PPIL2: variants seen among roughly 807,000 people sequenced by gnomAD.
PPIL2 encodes the protein peptidylprolyl isomerase like 2, also known as RING-type E3 ubiquitin-protein ligase PPIL2.
In PPIL2, 50 loss-of-function variants were observed where a neutral mutation model predicts 75.2. The observed-to-expected ratio is 0.66, with a 90% CI of 0.53 to 0.84. The LOEUF is 0.84. Ranked by LOEUF, PPIL2 falls within the 40% of genes least tolerant of loss-of-function variation. The pLI is 0.00. For missense variants in PPIL2, 590 were observed against 685.0 expected, an observed-to-expected ratio of 0.86 and a Z score of 1.55; for synonymous variants, 245 against 258.8, an observed-to-expected ratio of 0.95 and a Z score of 0.51.
rs1264575929 is a variant in PPIL2, at chr22:21,695,777, C to T, written c.*287C>T. The T allele has an allele frequency of 1.4e-5, 17 of 1,251,814 alleles. No homozygotes were observed. Among genetic ancestry groups the T allele is most frequent in the Non-Finnish European group, 1.7e-5 (17 of 985,462 alleles). 77.5% of individuals were successfully genotyped at this position (1,251,814 alleles called of 1,614,324 possible). A position where few individuals can be genotyped will look rare whatever the true frequency, so the allele number is the denominator to read the frequency against. ...ACCCAGGCTGGTGCCTCAGGCCTCC[C>T]CTCTAGTAGGCAGGCCAGGTTAGTG... On this transcript the variant is annotated 3_prime_UTR_variant, in exon 20 of 20. Transcript: ENST00000398831.
At chr22:21,669,534 T>C (rs1264694845) in intron 1 of PPIL2, 1 of 351,122 alleles carries the variant, frequency 2.8e-6, no homozygotes, top group Non-Finnish European at 5.6e-6. Flanking sequence ...AGAGTCTCAC[T>C]CTGTCACCCA....
rs2067963723 is a variant in PPIL2 at position 21,696,980 on chromosome 22, A to G, written c.*1490A>G. ...TCATGCTAAGAACAAGAACTGCGCC[A>G]TGGCTGGCTCCTTCTCTTCTCCAGC... On this transcript the variant is annotated 3_prime_UTR_variant, in exon 20 of 20. Transcript: ENST00000398831. 5.1e-6 allele frequency: 8 copies of G among 1,556,314 alleles called. No individual in the cohort carries two copies. Among genetic ancestry groups the G allele is most frequent in the Non-Finnish European group, 6.1e-6 (7 of 1,150,586 alleles).
intron 6 of PPIL2, among the ~76,000 whole-genome samples, chr22:21,676,243 A>AGTGTGT (rs36131221): frequency 0.065 from 8,436 of 130,438 alleles, 494 homozygotes; most frequent in African/African-American, 0.15. Context: ...TGTGATCAGC[A>AGTGTGT]GTGTGTGTGT....
At chr22:21,686,361 G>C in intron 10 of PPIL2, 122 bp from the exon 11 acceptor site, 1 of 904,394 alleles carries the variant, frequency 1.1e-6, no homozygotes, top group Non-Finnish European at 1.7e-6. Context: ...TCCTGGAGGA[G>C]AGGCACCAAG....
Position 21,671,020 on chromosome 22 carries a change from A to G in PPIL2, c.152A>G (p.Tyr51Cys). The change falls in exon 4 of 20, where the codon TAC becomes TGC. Residue 51 changes from tyrosine to cysteine, a missense_variant. Physicochemically the swap from Tyr to Cys is radical, Grantham distance 194. Transcript: ENST00000398831. Reference protein sequence around the residue: ...HCSLSLQPFVYPVCTPDGIVF... With the variant: ...HCSLSLQPFVCPVCTPDGIVF... ...AGTCTCTCTCTGCAGCCCTTTGTCT[A>G]CCCAGTCTGCACTCCCGATGGCATC... 6.2e-7 allele frequency: 1 copy of G among 1,613,242 alleles called. No homozygotes were observed. The highest frequency in any genetic ancestry group is 1.3e-5 in the African/African-American group (1 of 74,998).
chr22:21,667,602 T>C (rs1438522213), intron 1 of PPIL2, among the ~76,000 whole-genome samples: 1 of 152,126 alleles, frequency 6.6e-6, no homozygotes, highest in African/African-American at 2.4e-5. Context: ...CCCAGTCTCC[T>C]TTCTGGACCC....
At chr22:21,668,018 C>A (rs1015540559) in intron 1 of PPIL2, among the ~76,000 whole-genome samples, 2 of 151,986 alleles carry the variant, frequency 1.3e-5, no homozygotes, top group African/African-American at 4.8e-5. Flanking sequence ...GTCGAGTGAT[C>A]GACCTACCTC....
At chr22:21,669,128 C>T (rs968482069) in intron 1 of PPIL2, among the ~76,000 whole-genome samples, 1 of 150,672 alleles carries the variant, frequency 6.6e-6, no homozygotes, top group Non-Finnish European at 1.5e-5. Flanking sequence ...GGATTATAGG[C>T]GTGAGCCACC....
In PPIL2 at chr22:21,670,575, A is replaced by T; in HGVS notation, c.92A>T (p.Gln31Leu). Reference sequence around the variant, plus strand: ...TTTCATTTTTAAACAGATCTCCCACAAACAAATTTTCGTCGTTTACCTTTT... The same window carrying T: ...TTTCATTTTTAAACAGATCTCCCACTAACAAATTTTCGTCGTTTACCTTTT... Reference protein sequence around the residue: ...FYGGKKPDLPQTNFRRLPFDH... With the variant: ...FYGGKKPDLPLTNFRRLPFDH... Residue 31 changes from glutamine (Q) to leucine (L), a missense_variant, in exon 3 of 20, where the codon CAA becomes CTA. By Grantham distance (113) the Gln-to-Leu change is moderately radical. Transcript: ENST00000398831. The T allele has an allele frequency of 6.2e-7, 1 of 1,611,018 alleles. No individual in the cohort carries two copies.
At chr22:21,681,278 C>G (rs774462408) in intron 6 of PPIL2, 21 bp from the exon 7 acceptor site, 1 of 1,589,348 alleles carries the variant, frequency 6.3e-7, no homozygotes, top group Non-Finnish European at 8.6e-7. Context: ...ACTGGCCTCC[C>G]TGTGTGTGCC....
rs1335377463 is a variant in PPIL2, at chr22:21,688,070, C to G, written c.988-3C>G. The stretch of plus-strand genomic sequence containing the variant: ...ACTTGCTCACTGGCTTTTGTTTTCA[C>G]AGATCCAAGGGGGCGACCCCACAGG... On this transcript the variant is annotated splice_region_variant and splice_polypyrimidine_tract_variant and intron_variant, in intron 13 of 19. Coordinates refer to ENST00000398831, the MANE Select transcript of PPIL2 (RefSeq NM_014337.4). The G allele has an allele frequency of 6.2e-7, 1 of 1,614,228 alleles. No homozygotes were observed. Among genetic ancestry groups the G allele is most frequent in the Non-Finnish European group, 8.5e-7 (1 of 1,180,036 alleles).
chr22:21,688,979 G>A, intron 15 of PPIL2, 130 bp downstream of exon 15: 1 of 874,448 alleles, frequency 1.1e-6, no homozygotes. Context: ...GCACACCTAG[G>A]CCAAGCATGT....
At chr22:21,693,735 G>A (rs1017498657) in intron 15 of PPIL2, 81 bp from the exon 16 acceptor site, 1 of 1,365,650 alleles carries the variant, frequency 7.3e-7, no homozygotes, top group Non-Finnish European at 1.0e-6. Flanking sequence ...TGTAGAGGGT[G>A]GGCAGCTCCT....
At chr22:21,699,578 C>T (rs1225439715), downstream of PPIL2, 2 of 152,608 alleles carry the variant, frequency 1.3e-5, no homozygotes, top group East Asian at 1.9e-4. Context: ...GACAGCACCA[C>T]GCAGGGACGG....
At chr22:21,677,136 G>T (rs1272578050) in intron 6 of PPIL2, among the ~76,000 whole-genome samples, 1 of 151,808 alleles carries the variant, frequency 6.6e-6, no homozygotes, top group Non-Finnish European at 1.5e-5. Flanking sequence ...TCTCAGACGG[G>T]GCGGCTGCCG....
Position 21,696,121 on chromosome 22 carries a change from C to CTCT in PPIL2, c.*632_*634dup. On this transcript the variant is annotated 3_prime_UTR_variant, in exon 20 of 20. Transcript: ENST00000398831. ...GACCCCAGACTTACTGAGCCTAAGC[C>CTCT]TCTGCAGGGTGGGCTTCTCGGTCTG... 3.0e-6 allele frequency: 3 copies of CTCT among 993,718 alleles called. No homozygotes were observed. Among genetic ancestry groups the CTCT allele is most frequent in the Non-Finnish European group, 2.4e-6 (2 of 832,828 alleles). The allele number at this position is 993,718 out of a possible 1,614,324, so 61.6% of individuals were successfully genotyped here.
chr22:21,671,077 T>C lies in PPIL2; in HGVS notation c.191+18T>C. Reference sequence around the variant, plus strand: ...GACTTACTGTGAGTTTTTCCTTGAATTTTGATCTAACAAATGTGAGATTCT... The same window carrying C: ...GACTTACTGTGAGTTTTTCCTTGAACTTTGATCTAACAAATGTGAGATTCT... On this transcript the variant is annotated intron_variant, in intron 4 of 19. Transcript: ENST00000398831. The C allele has an allele frequency of 6.3e-7, 1 of 1,596,696 alleles. No homozygotes were observed.
chr22:21,683,395 T>G (rs1354531420), intron 9 of PPIL2, 138 bp downstream of exon 9: 2 of 723,796 alleles, frequency 2.8e-6, no homozygotes, highest in Non-Finnish European at 4.6e-6. Flanking sequence ...TGAACTAGTG[T>G]TCAGAGAATC....
intron 4 of PPIL2, among the ~76,000 whole-genome samples, chr22:21,671,577 CT>C (rs61199826): frequency 4.0e-5 from 6 of 149,086 alleles, no homozygotes; most frequent in African/African-American, 1.2e-4. Context: ...TTGTTCTTTT[CT>C]TTTTTTTTTA....
Sources: gnomAD v4.1 joint callset for allele counts (sites outside exome capture counted in the v4.1 genomes callset) on GRCh38, gnomAD v4.1.1 for gene constraint, MANE v1.5 for transcripts, NCBI Gene and HGNC (gene_info 2026-07-23, HGNC 2026-07-21) for gene names.